The following PCDH15 variants were observed in gnomAD, a reference collection of about 807,000 sequenced individuals.
The protein encoded by PCDH15 is protocadherin-15.
A neutral mutation model predicts 178.5 loss-of-function variants in PCDH15; 129 were observed. The ratio of observed to expected loss-of-function variants is 0.72; its 90% CI spans 0.63 to 0.84. The LOEUF is 0.84. PCDH15 is among the 40% of genes least tolerant of loss of function. The pLI is 0.00. For missense variants in PCDH15, 2,230 were observed against 2,099.9 expected, an observed-to-expected ratio of 1.06 and a Z score of -1.21; for synonymous variants, 800 against 732.0, an observed-to-expected ratio of 1.09 and a Z score of -1.50.
intron 1 of PCDH15, among the ~76,000 whole-genome samples, chr10:54,739,694 G>C (rs373186274): frequency 6.6e-6 from 1 of 151,668 alleles, no homozygotes; most frequent in Non-Finnish European, 1.5e-5. Flanking sequence ...ATACACATAA[G>C]CCAATGTAAC....
At chr10:54,317,951 T>A (rs890377421) in intron 7 of PCDH15, among the ~76,000 whole-genome samples, 28 of 152,210 alleles carry the variant, frequency 1.8e-4, no homozygotes, top group African/African-American at 5.8e-4. Flanking sequence ...TAGTTAAGCT[T>A]TTGTATGTTA....
intron 2 of PCDH15, among the ~76,000 whole-genome samples, chr10:55,344,985 A>G (rs971176074): frequency 2.0e-5 from 3 of 151,934 alleles, no homozygotes; most frequent in African/African-American, 7.3e-5. Flanking sequence ...CTTTTGAAGG[A>G]TTTTGCATAA....
chr10:54,747,399 A>G (rs181044122), intron 1 of PCDH15, among the ~76,000 whole-genome samples: 5 of 152,340 alleles, frequency 3.3e-5, no homozygotes, highest in Non-Finnish European at 7.4e-5. Flanking sequence ...TATACAATAA[A>G]TAGGTGAACT....
At chr10:54,046,920 A>G (rs118053238) in intron 18 of PCDH15, among the ~76,000 whole-genome samples, 1,732 of 152,246 alleles carry the variant, frequency 0.011, 9 homozygotes, top group Non-Finnish European at 0.018. Context: ...CAGGTAGGCA[A>G]TAAAGTCCAC....
At chr10:53,933,608 A>G (rs2085289305) in intron 25 of PCDH15, among the ~76,000 whole-genome samples, 1 of 152,258 alleles carries the variant, frequency 6.6e-6, no homozygotes, top group Non-Finnish European at 1.5e-5. Flanking sequence ...AGTCTTTGCT[A>G]TTGTGAATAA....
intron 3 of PCDH15, among the ~76,000 whole-genome samples, chr10:54,490,763 T>C (rs1215860304): frequency 1.3e-5 from 2 of 152,178 alleles, no homozygotes; most frequent in African/African-American, 4.8e-5. Context: ...ACTGAATATT[T>C]CATATGTAGG....
intron 3 of PCDH15, among the ~76,000 whole-genome samples, chr10:54,875,839 G>C (rs1954130120): frequency 6.6e-6 from 1 of 152,184 alleles, no homozygotes; most frequent in Admixed American, 6.6e-5. Context: ...AGTGCAAGGT[G>C]AAGCAGCAAG....
intron 33 of PCDH15, among the ~76,000 whole-genome samples, chr10:53,818,647 G>A (rs546970625): frequency 3.0e-4 from 46 of 152,146 alleles, no homozygotes; most frequent in Middle Eastern, 3.4e-3. Flanking sequence ...ATGGTGAAAC[G>A]TTTGACTATA....
chr10:54,620,261 T>C (rs1272575874), intron 2 of PCDH15, among the ~76,000 whole-genome samples: 2 of 151,994 alleles, frequency 1.3e-5, no homozygotes, highest in Non-Finnish European at 1.5e-5. Flanking sequence ...AATATGATTG[T>C]AGCATAATGG....
chr10:53,964,953 G>A (rs2088835819), intron 21 of PCDH15, among the ~76,000 whole-genome samples: 1 of 152,088 alleles, frequency 6.6e-6, no homozygotes, highest in South Asian at 2.1e-4. Context: ...ATAATAACAA[G>A]AGTTGTTAGC....
chr10:55,056,744 T>G (rs1222205651), intron 2 of PCDH15, among the ~76,000 whole-genome samples: 1 of 151,868 alleles, frequency 6.6e-6, no homozygotes, highest in South Asian at 2.1e-4. Context: ...GCAATTCTCC[T>G]GCCTCAGCCT....
At chr10:54,751,933 A>C (rs1280760448) in intron 1 of PCDH15, among the ~76,000 whole-genome samples, 1 of 152,184 alleles carries the variant, frequency 6.6e-6, no homozygotes, top group Non-Finnish European at 1.5e-5. Context: ...TTAAGAAAAC[A>C]TTACCTACTA....
intron 7 of PCDH15, among the ~76,000 whole-genome samples, chr10:54,321,092 C>CTT (rs1554898770): frequency 1.3e-5 from 2 of 150,030 alleles, no homozygotes; most frequent in African/African-American, 4.9e-5. Context: ...TTCTCAATAA[C>CTT]AAATAAGTTA....
At chr10:54,352,517 C>G (rs1944340732) in intron 5 of PCDH15, among the ~76,000 whole-genome samples, 1 of 152,066 alleles carries the variant, frequency 6.6e-6, no homozygotes, top group Admixed American at 6.6e-5. Flanking sequence ...CTGAAGGATA[C>G]TGAATTTTAG....
chr10:53,976,450 C>A (rs1564909024), intron 21 of PCDH15, among the ~76,000 whole-genome samples: 1 of 152,096 alleles, frequency 6.6e-6, no homozygotes, highest in Admixed American at 6.6e-5. Context: ...AAACACCAAC[C>A]TCCTTCCTAC....
chr10:54,280,265 A>G (rs1006673611), intron 8 of PCDH15, among the ~76,000 whole-genome samples: 2 of 146,480 alleles, frequency 1.4e-5, no homozygotes, highest in Non-Finnish European at 3.0e-5. Flanking sequence ...TTAAACATTA[A>G]TTAACAAAAT....
At position 55,173,712 on chromosome 10, in the gene PCDH15, A is replaced by G. The variant is rs1011775000; in HGVS notation, c.-155-7061T>C. On this transcript the variant is annotated intron_variant, in intron 1 of 5. Transcript: ENST00000458638. ...TGCTAGATTCCTTTTCTTAGTTTGTAGTATGATTTCATTCTGCAGCATTTG... is the reference window on the plus strand; with the variant it reads ...TGCTAGATTCCTTTTCTTAGTTTGTGGTATGATTTCATTCTGCAGCATTTG... 3.3e-5 allele frequency among the ~76,000 whole-genome samples: 5 copies of G among 152,098 alleles called. No individual in the cohort carries two copies. The East Asian group carries it at 9.6e-4, about 29-fold the overall frequency.
At chr10:55,286,476 A>AT (rs776267182) in intron 1 of PCDH15, among the ~76,000 whole-genome samples, 54 of 150,594 alleles carry the variant, frequency 3.6e-4, no homozygotes, top group Non-Finnish European at 6.8e-4. Flanking sequence ...AGGTTTGGTC[A>AT]TATCTGTAGC....
chr10:54,409,792 C>A (rs569481452), intron 3 of PCDH15, among the ~76,000 whole-genome samples: 2 of 152,050 alleles, frequency 1.3e-5, no homozygotes, highest in South Asian at 4.2e-4. Flanking sequence ...AGTTAGTCCC[C>A]CATGTTGAGA....
Sources: gnomAD v4.1 joint callset for allele counts (sites outside exome capture counted in the v4.1 genomes callset) on GRCh38, gnomAD v4.1.1 for gene constraint, MANE v1.5 for transcripts, NCBI Gene and HGNC (gene_info 2026-07-23, HGNC 2026-07-21) for gene names.